Variants in ZNF385D observed in about 807,000 individuals in gnomAD.
The protein encoded by ZNF385D is zinc finger protein 659.
In ZNF385D, 15 loss-of-function variants were observed where a neutral mutation model predicts 35.8. The ratio of observed to expected loss-of-function variants is 0.42; its 90% confidence interval spans 0.28 to 0.64. The LOEUF (loss-of-function observed/expected upper bound fraction) is 0.64. Among genes scored for constraint, ZNF385D ranks in the 30% least tolerant of loss-of-function variants. ZNF385D has a pLI of 0.23. For synonymous variants in ZNF385D, 212 were observed against 186.8 expected (o/e 1.13, Z -1.10); for missense variants, 474 against 494.6 (o/e 0.96, Z 0.39).
chr3:21,573,235 G>A (rs532182841), intron 2 of ZNF385D, among the ~76,000 whole-genome samples: 2 of 152,246 alleles, frequency 1.3e-5, no homozygotes, highest in African/African-American at 4.8e-5. Context: ...CTATGTAAAA[G>A]ATAAAATACC....
intron 3 of ZNF385D, among the ~76,000 whole-genome samples, chr3:21,892,398 A>G (rs1698914330): frequency 6.6e-6 from 1 of 152,164 alleles, no homozygotes; most frequent in South Asian, 2.1e-4. Context: ...TAAGAATACA[A>G]CAATCCAGAG....
At chr3:21,430,429 C>T (rs1456624926) in intron 5 of ZNF385D, among the ~76,000 whole-genome samples, 4 of 151,994 alleles carry the variant, frequency 2.6e-5, no homozygotes, top group African/African-American at 9.7e-5. Flanking sequence ...GCTCTGAAGT[C>T]ATTATGGGGT....
At chr3:21,471,240 C>T (rs1339003417) in intron 4 of ZNF385D, among the ~76,000 whole-genome samples, 1 of 145,820 alleles carries the variant, frequency 6.9e-6, no homozygotes, top group Non-Finnish European at 1.5e-5. Context: ...CCATATTTCC[C>T]TCCCTCCCTC....
chr3:21,873,572 G>T (rs188288363), intron 3 of ZNF385D, among the ~76,000 whole-genome samples: 6 of 152,018 alleles, frequency 3.9e-5, no homozygotes, highest in Admixed American at 3.9e-4. Context: ...TTACACAGCT[G>T]ATCTGCAGAA....
At chr3:21,433,020 C>G (rs1203119478) in intron 5 of ZNF385D, among the ~76,000 whole-genome samples, 1 of 152,074 alleles carries the variant, frequency 6.6e-6, no homozygotes, top group Non-Finnish European at 1.5e-5. Context: ...GGCTTCTTAA[C>G]TCCATTAGCA....
intron 2 of ZNF385D, among the ~76,000 whole-genome samples, chr3:22,273,513 A>C (rs142470047): frequency 7.2e-4 from 110 of 152,074 alleles, no homozygotes; most frequent in African/African-American, 2.6e-3. Flanking sequence ...TTAAGACACA[A>C]AACTAGCCCT....
chr3:21,816,304 A>C (rs913047468), intron 3 of ZNF385D, among the ~76,000 whole-genome samples: 1 of 152,204 alleles, frequency 6.6e-6, no homozygotes, highest in African/African-American at 2.4e-5. Context: ...ACTCCTATGC[A>C]AAATAGTGTT....
chr3:21,561,670 T>C (rs528041291), intron 3 of ZNF385D, among the ~76,000 whole-genome samples: 1 of 152,082 alleles, frequency 6.6e-6, no homozygotes, highest in Non-Finnish European at 1.5e-5. Context: ...AATAGGAAGG[T>C]CCAAAGAGAG....
chr3:21,947,613 G>A (rs1053830219), intron 3 of ZNF385D, among the ~76,000 whole-genome samples: 3 of 152,164 alleles, frequency 2.0e-5, no homozygotes, highest in African/African-American at 4.8e-5. Context: ...GACTCCCAGA[G>A]TGCTGGGATT....
At chr3:22,358,654 AT>A (rs1178393711) in intron 2 of ZNF385D, among the ~76,000 whole-genome samples, 1 of 151,804 alleles carries the variant, frequency 6.6e-6, no homozygotes, top group East Asian at 1.9e-4. Flanking sequence ...GTGACTTGTA[AT>A]AAAAGAGAAA....
intron 1 of ZNF385D, among the ~76,000 whole-genome samples, chr3:21,743,700 A>C (rs1025852114): frequency 6.6e-6 from 1 of 152,164 alleles, no homozygotes; most frequent in African/African-American, 2.4e-5. Context: ...ATTACCTCCC[A>C]CAGGCCCCAC....
chr3:21,700,123 A>T (rs66491866), intron 1 of ZNF385D, among the ~76,000 whole-genome samples: 5,303 of 152,098 alleles, frequency 0.035, 148 homozygotes, highest in South Asian at 0.086. Flanking sequence ...GGCATGAGCC[A>T]CTGCTCTCAG....
At position 21,905,519 on chromosome 3, in the gene ZNF385D, A is replaced by G. The variant is rs143355104; in HGVS notation, c.326-240491T>C. ...ATAGAAAAATGGGTTTGACCCAAGAAGCTAAACTCTTCAGAATCTGGAAGA... is the reference window on the plus strand; with the variant it reads ...ATAGAAAAATGGGTTTGACCCAAGAGGCTAAACTCTTCAGAATCTGGAAGA... On this transcript the variant is annotated intron_variant, in intron 3 of 5. Coordinates refer to the ZNF385D transcript ENST00000494108. 2.4e-3 allele frequency among the ~76,000 whole-genome samples: 361 copies of G among 148,178 alleles called. 1 individual carries two copies. The highest frequency in any genetic ancestry group is 5.6e-3 in the Admixed American group (84 of 15,132).
intron 3 of ZNF385D, among the ~76,000 whole-genome samples, chr3:21,825,806 C>T (rs1694572971): frequency 6.6e-6 from 1 of 152,198 alleles, no homozygotes; most frequent in African/African-American, 2.4e-5. Context: ...GGACCAGAAC[C>T]AGTCCCTCGC....
intron 3 of ZNF385D, among the ~76,000 whole-genome samples, chr3:22,113,587 A>G (rs1702650073): frequency 6.6e-6 from 1 of 152,144 alleles, no homozygotes. Flanking sequence ...CTGTCAATAA[A>G]GGTAGTGCTG....
chr3:22,248,011 TA>T (rs1408656148), intron 2 of ZNF385D, among the ~76,000 whole-genome samples: 1 of 152,096 alleles, frequency 6.6e-6, no homozygotes, highest in Non-Finnish European at 1.5e-5. Context: ...GTTCACAAAA[TA>T]CATATAATAG....
At chr3:22,240,320 C>T (rs910205570) in intron 2 of ZNF385D, among the ~76,000 whole-genome samples, 4 of 150,896 alleles carry the variant, frequency 2.7e-5, no homozygotes, top group African/African-American at 7.4e-5. Flanking sequence ...ATTAGAGACA[C>T]GGAAAGAACA....
chr3:21,935,015 T>C (rs935510932), intron 3 of ZNF385D, among the ~76,000 whole-genome samples: 3 of 152,198 alleles, frequency 2.0e-5, no homozygotes, highest in Admixed American at 1.3e-4. Context: ...AGTGCATTGG[T>C]AGCTCTTAGT....
intron 1 of ZNF385D, among the ~76,000 whole-genome samples, chr3:21,731,255 T>C (rs1040758219): frequency 4.6e-5 from 7 of 152,210 alleles, no homozygotes; most frequent in African/African-American, 1.7e-4. Flanking sequence ...TATTTTTATT[T>C]ACATTTTGTT....
Sources: allele counts gnomAD v4.1 joint callset (sites outside exome capture counted in the v4.1 genomes callset), GRCh38; gene constraint gnomAD v4.1.1; transcripts MANE v1.5; gene names NCBI Gene and HGNC (gene_info 2026-07-23, HGNC 2026-07-21).